Variants in ZNF804B observed in about 807,000 individuals in gnomAD.
The protein encoded by ZNF804B is zinc finger 804B.
ZNF804B carries 80 observed loss-of-function variants against 101.4 expected under a neutral mutation model. That is an observed-to-expected ratio of 0.79 (90% CI 0.66 to 0.95). ZNF804B has a LOEUF of 0.95. ZNF804B is among the 40% of genes least tolerant of loss of function. The pLI, the probability that ZNF804B is intolerant of heterozygous loss-of-function variation, is 0.00. For missense variants in ZNF804B, 1,673 were observed against 1,561.9 expected, an observed-to-expected ratio of 1.07 and a Z score of -1.20; for synonymous variants, 622 against 558.8, an observed-to-expected ratio of 1.11 and a Z score of -1.59.
intron 1 of ZNF804B, among the ~76,000 whole-genome samples, chr7:88,997,731 A>G (rs1788223168): frequency 6.6e-6 from 1 of 152,080 alleles, no homozygotes; most frequent in South Asian, 2.1e-4. Context: ...TTGTTCACAG[A>G]TTGGCTTATA....
At chr7:89,183,165 T>C (rs1196097422) in intron 1 of ZNF804B, among the ~76,000 whole-genome samples, 1 of 151,986 alleles carries the variant, frequency 6.6e-6, no homozygotes, top group Admixed American at 6.6e-5. Flanking sequence ...GAAGAAGAGT[T>C]AGAACAAGGT....
intron 1 of ZNF804B, chr7:88,795,036 T>G (rs1790457388): frequency 9.4e-7 from 1 of 1,067,444 alleles, no homozygotes; most frequent in African/African-American, 2.0e-5. Flanking sequence ...GAACTCGTGT[T>G]TTTATTTCTT....
chr7:88,900,409 A>C (rs1792370710), intron 1 of ZNF804B, among the ~76,000 whole-genome samples: 1 of 151,832 alleles, frequency 6.6e-6, no homozygotes, highest in Non-Finnish European at 1.5e-5. Context: ...AGAACAAAAT[A>C]TATTCAAAGA....
intron 1 of ZNF804B, among the ~76,000 whole-genome samples, chr7:89,058,710 GTTT>G: frequency 6.6e-6 from 1 of 152,026 alleles, no homozygotes; most frequent in Admixed American, 6.6e-5. Context: ...TTGTTTGTTT[GTTT>G]TTAGATAGGG....
At chr7:89,188,218 A>T (rs1788403704) in intron 1 of ZNF804B, among the ~76,000 whole-genome samples, 2 of 151,996 alleles carry the variant, frequency 1.3e-5, no homozygotes, top group African/African-American at 4.8e-5. Context: ...TTTCATTATT[A>T]TTCTATTTGT....
chr7:88,767,316 C>T (rs1290315909), intron 1 of ZNF804B, among the ~76,000 whole-genome samples: 1 of 152,164 alleles, frequency 6.6e-6, no homozygotes, highest in Non-Finnish European at 1.5e-5. Flanking sequence ...GTGTTCTTCC[C>T]CTGCCCTTCT....
intron 1 of ZNF804B, among the ~76,000 whole-genome samples, chr7:88,987,531 T>C (rs1793775451): frequency 1.3e-5 from 2 of 152,146 alleles, no homozygotes; most frequent in Admixed American, 1.3e-4. Context: ...TTAATTTCTT[T>C]TGTAATTTCT....
chr7:88,888,370 C>T (rs186294706), intron 1 of ZNF804B, among the ~76,000 whole-genome samples: 5 of 151,986 alleles, frequency 3.3e-5, no homozygotes, highest in African/African-American at 7.2e-5. Context: ...CCAGCCTGGG[C>T]GACAGAGGGA....
chr7:89,019,327 A>G (rs758641857), intron 1 of ZNF804B, among the ~76,000 whole-genome samples: 2 of 151,866 alleles, frequency 1.3e-5, no homozygotes, highest in African/African-American at 2.4e-5. Context: ...GTTTTATTCT[A>G]TTGTGGTCTA....
intron 1 of ZNF804B, among the ~76,000 whole-genome samples, chr7:89,159,821 G>T (rs958612858): frequency 6.6e-6 from 1 of 152,082 alleles, no homozygotes; most frequent in African/African-American, 2.4e-5. Flanking sequence ...TTCGTCTAGG[G>T]AAGGTTAAAG....
chr7:89,241,163 G>C (rs887881162), intron 2 of ZNF804B, among the ~76,000 whole-genome samples: 6 of 152,020 alleles, frequency 3.9e-5, no homozygotes, highest in African/African-American at 7.2e-5. Flanking sequence ...GAGATATGAG[G>C]CTGGACTTAA....
At chr7:88,900,080 T>C (rs771910912) in intron 1 of ZNF804B, among the ~76,000 whole-genome samples, 4 of 152,132 alleles carry the variant, frequency 2.6e-5, no homozygotes, top group Admixed American at 6.5e-5. Context: ...TTGAGAGTTC[T>C]AATTTATTTT....
chr7:88,986,369 T>C (rs1421642118), intron 1 of ZNF804B, among the ~76,000 whole-genome samples: 1 of 152,132 alleles, frequency 6.6e-6, no homozygotes, highest in African/African-American at 2.4e-5. Context: ...TCTATTTCCC[T>C]GCTTTTGCTG....
intron 1 of ZNF804B, among the ~76,000 whole-genome samples, chr7:88,798,268 T>G (rs1202833148): frequency 6.6e-6 from 1 of 152,120 alleles, no homozygotes; most frequent in Non-Finnish European, 1.5e-5. Flanking sequence ...TTATTTCATA[T>G]ATCTAGATTC....
At chr7:89,196,756 A>G (rs1788559477) in intron 1 of ZNF804B, among the ~76,000 whole-genome samples, 1 of 152,158 alleles carries the variant, frequency 6.6e-6, no homozygotes, top group Admixed American at 6.6e-5. Context: ...AGCATCTACA[A>G]GGAACTTAAA....
intron 1 of ZNF804B, among the ~76,000 whole-genome samples, chr7:89,176,591 C>CTTTTTTTT (rs35866405): frequency 9.3e-3 from 667 of 71,786 alleles, no homozygotes; most frequent in Middle Eastern, 0.013. Context: ...TTCTTTCTTT[C>CTTTTTTTT]TTTTTTTTTT....
rs34267852 is a variant in ZNF804B at position 88,868,048 on chromosome 7, A to AGTGTGT, written c.108+107997_108+108002dup. Among the ~76,000 whole-genome samples the AGTGTGT allele has an allele frequency of 1.3e-3, 191 of 142,758 alleles. 1 individual carries two copies. Among genetic ancestry groups the AGTGTGT allele is most frequent in the African/African-American group, 1.8e-3 (71 of 38,956 alleles). The allele number at this position is 142,758 out of a possible 152,430, so 93.7% of individuals were successfully genotyped here. A position where few individuals can be genotyped will look rare whatever the true frequency, so the allele number is the denominator to read the frequency against. On this transcript the variant is annotated intron_variant, in intron 1 of 3. Coordinates refer to ENST00000333190, the MANE Select transcript of ZNF804B (RefSeq NM_181646.5). Reference sequence around the variant, plus strand: ...CATAATTCTACTGTGTGTGTGTGTGAGTGTGTGTGTGTGTGTGTGTGTGTG... The same window carrying AGTGTGT: ...CATAATTCTACTGTGTGTGTGTGTGAGTGTGTGTGTGTGTGTGTGTGTGTGTGTGTG...
At chr7:89,109,578 A>G (rs906429481) in intron 1 of ZNF804B, among the ~76,000 whole-genome samples, 9 of 152,156 alleles carry the variant, frequency 5.9e-5, no homozygotes, top group African/African-American at 2.2e-4. Flanking sequence ...TTTTCTTGGT[A>G]ACTTCTCTTT....
At chr7:89,251,570 A>G (rs956235932) in intron 2 of ZNF804B, among the ~76,000 whole-genome samples, 4 of 152,180 alleles carry the variant, frequency 2.6e-5, no homozygotes, top group African/African-American at 9.7e-5. Context: ...TACCAATGTT[A>G]TTTTTCACAG....
Sources: allele counts gnomAD v4.1 joint callset (sites outside exome capture counted in the v4.1 genomes callset), GRCh38; gene constraint gnomAD v4.1.1; transcripts MANE v1.5; gene names NCBI Gene and HGNC (gene_info 2026-07-23, HGNC 2026-07-21).